RGS6: variants seen among roughly 807,000 people sequenced by gnomAD.
RGS6 encodes regulator of G-protein signaling 6.
RGS6 carries 30 observed loss-of-function variants against 78.5 expected under a neutral mutation model. That is an observed-to-expected ratio of 0.38 (90% CI 0.29 to 0.52). RGS6 has a LOEUF of 0.52. Ranked by LOEUF, RGS6 falls within the 20% of genes least tolerant of loss-of-function variation. The pLI is 0.85. For missense variants in RGS6, 495 were observed against 609.7 expected (o/e 0.81, Z 1.98); for synonymous variants, 206 against 206.0 (o/e 1.00, Z 0.00).
At chr14:72,554,793 G>T (rs1056909357) in intron 17 of RGS6, among the ~76,000 whole-genome samples, 20 of 152,240 alleles carry the variant, frequency 1.3e-4, no homozygotes, top group African/African-American at 4.3e-4. Context: ...ACCACACAGG[G>T]ATGCAGAGTA....
Position 72,136,499 on chromosome 14 carries a change from T to C in RGS6, c.84+171624T>C, listed in dbSNP as rs145408762. Among the ~76,000 whole-genome samples the C allele has an allele frequency of 6.4e-3, 973 of 152,250 alleles. 9 individuals are homozygous for C. Among genetic ancestry groups the C allele is most frequent in the African/African-American group, 0.021 (879 of 41,556 alleles). ...GACAGAAGGCAAAAGTCACGTCTTA[T>C]ATGGCAGCAGGCAAGAGAGAATGAG... On this transcript the variant is annotated intron_variant, in intron 2 of 17. Transcript: ENST00000553525.
At chr14:72,579,363 G>A in the RGS6 span, among the ~76,000 whole-genome samples, 1 of 152,320 alleles carries the variant, frequency 6.6e-6, no homozygotes, top group South Asian at 2.1e-4. Flanking sequence ...AATCAGGCCA[G>A]AGCACAGCAC....
chr14:72,505,656 C>A (rs1470804235), intron 13 of RGS6, among the ~76,000 whole-genome samples: 1 of 152,196 alleles, frequency 6.6e-6, no homozygotes, highest in African/African-American at 2.4e-5. Flanking sequence ...AAAGAATAGG[C>A]TTTGGAGACA....
intron 2 of RGS6, among the ~76,000 whole-genome samples, chr14:72,264,442 A>AT (rs1419526293): frequency 4.6e-5 from 7 of 152,262 alleles, no homozygotes; most frequent in African/African-American, 1.4e-4. Context: ...GCCACTATGT[A>AT]TAAAATTAAA....
chr14:72,465,680 G>A (rs1462004032), intron 6 of RGS6, 78 bp from the exon 7 acceptor site: 1 of 1,018,320 alleles, frequency 9.8e-7, no homozygotes, highest in Non-Finnish European at 1.5e-6. Context: ...GTGAATGGAT[G>A]GACAGATGGA....
intron 2 of RGS6, among the ~76,000 whole-genome samples, chr14:72,059,244 CA>C (rs2093771782): frequency 6.6e-6 from 1 of 152,182 alleles, no homozygotes. Flanking sequence ...TCTTGGTAAC[CA>C]GAGCAGAATG....
intron 2 of RGS6, among the ~76,000 whole-genome samples, chr14:72,058,560 A>G (rs946246944): frequency 6.6e-6 from 1 of 152,196 alleles, no homozygotes; most frequent in Non-Finnish European, 1.5e-5. Flanking sequence ...TGAGAAAGAA[A>G]AACATAATTA....
At chr14:71,957,647 A>G (rs1403193275) in intron 1 of RGS6, among the ~76,000 whole-genome samples, 1 of 152,204 alleles carries the variant, frequency 6.6e-6, no homozygotes, top group African/African-American at 2.4e-5. Context: ...CTGGCTTTCC[A>G]GCAGAGATTG....
chr14:72,497,533 A>G (rs1449262905), intron 13 of RGS6, among the ~76,000 whole-genome samples: 2 of 152,110 alleles, frequency 1.3e-5, no homozygotes, highest in African/African-American at 4.8e-5. Context: ...TAAAAACCCT[A>G]GTTTCTATTC....
the RGS6 span, among the ~76,000 whole-genome samples, chr14:71,876,784 A>C: frequency 1.3e-5 from 2 of 151,946 alleles, no homozygotes; most frequent in African/African-American, 2.4e-5. Flanking sequence ...TGGTCTTTAC[A>C]ATTTGGTATG....
chr14:72,551,386 C>A lies in RGS6; in HGVS notation c.1423-11031C>A, dbSNP rs73302564. ...GGCTGACCGTCCCATACCAACCAGA[C>A]TGCCTTTTACCCTGCAGGTAGCCAG... On this transcript the variant is annotated intron_variant, in intron 17 of 17. Transcript: ENST00000553525. Among the ~76,000 whole-genome samples, 244 of 152,282 alleles carry A rather than the reference C, an allele frequency of 1.6e-3. 1 individual carries two copies. The highest frequency in any genetic ancestry group is 5.6e-3 in the African/African-American group (234 of 41,542).
intron 2 of RGS6, among the ~76,000 whole-genome samples, chr14:72,259,071 A>G (rs2057626793): frequency 6.6e-6 from 1 of 152,172 alleles, no homozygotes; most frequent in African/African-American, 2.4e-5. Flanking sequence ...TCTGCAAAAG[A>G]GGACATTGCA....
intron 17 of RGS6, chr14:72,552,553 A>T (rs1170038777): frequency 6.6e-6 from 1 of 152,264 alleles, no homozygotes; most frequent in Non-Finnish European, 1.5e-5. Context: ...CTCCAAATGT[A>T]GCCCTCCATG....
At chr14:72,497,842 T>A (rs1007188163) in intron 13 of RGS6, among the ~76,000 whole-genome samples, 18 of 137,826 alleles carry the variant, frequency 1.3e-4, no homozygotes, top group African/African-American at 3.1e-4. Flanking sequence ...TTCTCTTTTT[T>A]AAAAATTATT....
chr14:72,563,061 C>T lies in RGS6; in HGVS notation c.*594C>T, dbSNP rs902925711. ...AATCACATCTTCAGCAAGAAAGCAA[C>T]CTCACGGATTGCCCCGCCTCAAGGT... On this transcript the variant is annotated 3_prime_UTR_variant, in exon 18 of 18. Coordinates refer to ENST00000553525, the MANE Select transcript of RGS6 (RefSeq NM_001204424.2). 6.7e-6 allele frequency: 3 copies of T among 448,516 alleles called. No individual in the cohort carries two copies. Among genetic ancestry groups the T allele is most frequent in the African/African-American group, 6.0e-5 (3 of 50,330 alleles). The allele number at this position is 448,516 out of a possible 1,614,324, so 27.8% of individuals were successfully genotyped here.
intron 2 of RGS6, among the ~76,000 whole-genome samples, chr14:72,298,142 G>T (rs1408497969): frequency 2.0e-5 from 3 of 152,158 alleles, no homozygotes; most frequent in Middle Eastern, 3.4e-3. Flanking sequence ...GAGTATTATA[G>T]TGAGGGAAGT....
At chr14:72,368,809 G>A (rs1355785777) in intron 3 of RGS6, among the ~76,000 whole-genome samples, 1 of 152,212 alleles carries the variant, frequency 6.6e-6, no homozygotes, top group Non-Finnish European at 1.5e-5. Flanking sequence ...TTGGATGCAT[G>A]TAGAGGGCTG....
intron 2 of RGS6, among the ~76,000 whole-genome samples, chr14:72,205,033 A>T (rs1488683001): frequency 2.0e-5 from 3 of 152,198 alleles, no homozygotes; most frequent in African/African-American, 7.2e-5. Flanking sequence ...CTCTGACAGC[A>T]TGAGCAGATA....
intron 2 of RGS6, among the ~76,000 whole-genome samples, chr14:72,110,835 C>T (rs944101874): frequency 6.6e-6 from 1 of 152,112 alleles, no homozygotes. Flanking sequence ...TGGGACATTG[C>T]CCACACTCTG....
Sources: allele counts gnomAD v4.1 joint callset (sites outside exome capture counted in the v4.1 genomes callset), GRCh38; gene constraint gnomAD v4.1.1; transcripts MANE v1.5; gene names NCBI Gene and HGNC (gene_info 2026-07-23, HGNC 2026-07-21).